The following ZC3H3 variants were observed in gnomAD, a reference collection of about 807,000 sequenced individuals.
ZC3H3 encodes zinc finger CCCH domain-containing protein 3.
Under a neutral mutation model 77.3 loss-of-function variants are expected in ZC3H3, and 36 were observed. That is an observed-to-expected ratio of 0.47 (90% CI 0.36 to 0.61). ZC3H3 has a LOEUF of 0.61. Among genes scored for constraint, ZC3H3 ranks in the 20% least tolerant of loss-of-function variants. The pLI is 0.00. For synonymous variants in ZC3H3, 626 were observed against 555.2 expected (o/e 1.13, Z -1.79); for missense variants, 1,331 against 1,312.2 (o/e 1.01, Z -0.22).
chr8:143,455,006 A>G (rs1287916842), intron 9 of ZC3H3, among the ~76,000 whole-genome samples: 2 of 151,878 alleles, frequency 1.3e-5, no homozygotes, highest in African/African-American at 2.4e-5. Flanking sequence ...AAAAGGTCAA[A>G]GTTCTCAACT....
chr8:143,528,162 C>T (rs1001048256), intron 3 of ZC3H3, among the ~76,000 whole-genome samples: 1 of 152,236 alleles, frequency 6.6e-6, no homozygotes, highest in Non-Finnish European at 1.5e-5. Context: ...TGGCAACCAC[C>T]CTGCGGTGCA....
At chr8:143,498,088 A>AG (rs1211489704) in intron 4 of ZC3H3, among the ~76,000 whole-genome samples, 1 of 152,218 alleles carries the variant, frequency 6.6e-6, no homozygotes, top group Non-Finnish European at 1.5e-5. Context: ...GGAGAACGGC[A>AG]GGAACTGCCT....
intron 9 of ZC3H3, among the ~76,000 whole-genome samples, chr8:143,442,362 G>C (rs1819763959): frequency 6.7e-6 from 1 of 148,302 alleles, no homozygotes; most frequent in Admixed American, 6.7e-5. Flanking sequence ...TGCGGCTGGA[G>C]AGATGCCCGG....
intron 9 of ZC3H3, 62 bp from the exon 10 acceptor site, chr8:143,441,182 G>A (rs998615854): frequency 2.2e-6 from 3 of 1,346,084 alleles, no homozygotes; most frequent in Non-Finnish European, 2.8e-6. Flanking sequence ...GCACGGGGAA[G>A]GCAAGGAGAG....
intron 3 of ZC3H3, among the ~76,000 whole-genome samples, chr8:143,522,698 C>T (rs1027437461): frequency 6.6e-6 from 1 of 152,122 alleles, no homozygotes; most frequent in East Asian, 1.9e-4. Context: ...TTAAGCAGAT[C>T]GCCTGAGCCC....
chr8:143,477,954 G>A (rs913086643), intron 4 of ZC3H3, among the ~76,000 whole-genome samples: 4 of 152,064 alleles, frequency 2.6e-5, no homozygotes, highest in African/African-American at 4.8e-5. Flanking sequence ...TTGCTCCCGG[G>A]AGCCCCCAGC....
chr8:143,467,551 G>A (rs994647653), intron 8 of ZC3H3, among the ~76,000 whole-genome samples: 4 of 152,180 alleles, frequency 2.6e-5, no homozygotes, highest in African/African-American at 7.2e-5. Context: ...GCCCAACACC[G>A]CCTCCCTCAC....
At position 143,468,545 on chromosome 8, in the gene ZC3H3, A is replaced by T. The variant is rs1820476941; in HGVS notation, c.1947-5T>A. 6.2e-7 allele frequency: 1 copy of T among 1,605,938 alleles called. No individual in the cohort carries two copies. Among genetic ancestry groups the T allele is most frequent in the East Asian group, 2.3e-5 (1 of 44,398 alleles). ...AGGCTGCGCTGCACTGCCCGGCTGC[A>T]GACGGGGAGAGAGGTGCGTGAGCCT... is the stretch of plus-strand genomic sequence containing the variant. On this transcript the variant is annotated splice_region_variant and splice_polypyrimidine_tract_variant and intron_variant, in intron 6 of 11. Coordinates refer to ENST00000262577, the MANE Select transcript of ZC3H3 (RefSeq NM_015117.3).
At chr8:143,497,037 T>C (rs1821371232) in intron 4 of ZC3H3, among the ~76,000 whole-genome samples, 1 of 152,226 alleles carries the variant, frequency 6.6e-6, no homozygotes, top group Non-Finnish European at 1.5e-5. Context: ...AAAGCTCGTT[T>C]ATAAAGGGAG....
intron 4 of ZC3H3, among the ~76,000 whole-genome samples, chr8:143,478,397 C>T (rs539789717): frequency 2.6e-5 from 4 of 152,352 alleles, no homozygotes; most frequent in Non-Finnish European, 4.4e-5. Context: ...CTCTGGGGGT[C>T]AGCAGGCACT....
chr8:143,471,722 GC>G (rs1820570477), intron 5 of ZC3H3, among the ~76,000 whole-genome samples: 1 of 152,158 alleles, frequency 6.6e-6, no homozygotes, highest in Non-Finnish European at 1.5e-5. Flanking sequence ...GCCGTCAGGG[GC>G]CCAGAGCCCA....
intron 9 of ZC3H3, among the ~76,000 whole-genome samples, chr8:143,443,621 A>G (rs1819800644): frequency 6.6e-6 from 1 of 152,256 alleles, no homozygotes; most frequent in African/African-American, 2.4e-5. Context: ...CTCAAAGCAG[A>G]GGGAAAGAAA....
chr8:143,521,892 C>T (rs528353014), intron 3 of ZC3H3, among the ~76,000 whole-genome samples: 3 of 152,236 alleles, frequency 2.0e-5, no homozygotes, highest in Non-Finnish European at 1.5e-5. Context: ...GCCACAGAGG[C>T]GGCTCCCATA....
At chr8:143,453,891 G>A (rs1326930479) in intron 9 of ZC3H3, among the ~76,000 whole-genome samples, 1 of 152,024 alleles carries the variant, frequency 6.6e-6, no homozygotes, top group Non-Finnish European at 1.5e-5. Context: ...CTGGCAAAAC[G>A]ACACCACCAG....
At chr8:143,521,010 G>C (rs1165991267) in intron 3 of ZC3H3, among the ~76,000 whole-genome samples, 1 of 152,234 alleles carries the variant, frequency 6.6e-6, no homozygotes, top group Non-Finnish European at 1.5e-5. Flanking sequence ...CACACAGGTA[G>C]ACGGCCCGCC....
intron 4 of ZC3H3, among the ~76,000 whole-genome samples, chr8:143,492,329 C>T (rs553585282): frequency 3.9e-5 from 6 of 152,048 alleles, no homozygotes; most frequent in South Asian, 2.1e-4. Flanking sequence ...GATCCGGTGG[C>T]GGCCACCTCC....
intron 3 of ZC3H3, among the ~76,000 whole-genome samples, chr8:143,532,397 C>T (rs939164825): frequency 6.6e-6 from 1 of 152,246 alleles, no homozygotes; most frequent in Non-Finnish European, 1.5e-5. Flanking sequence ...ACAGGGCAGT[C>T]GTCCCCAGCT....
intron 11 of ZC3H3, 59 bp downstream of exon 11, chr8:143,439,982 C>A: frequency 7.0e-7 from 1 of 1,426,288 alleles, no homozygotes; most frequent in Non-Finnish European, 9.2e-7. Context: ...GGCCGTGCTG[C>A]CTACCTGAAT....
chr8:143,478,648 T>C (rs1820815679), intron 4 of ZC3H3, among the ~76,000 whole-genome samples: 3 of 152,228 alleles, frequency 2.0e-5, no homozygotes, highest in Non-Finnish European at 4.4e-5. Flanking sequence ...TAGCTGGGAT[T>C]ACAGGCATGT....
Sources: allele counts gnomAD v4.1 joint callset (sites outside exome capture counted in the v4.1 genomes callset), GRCh38; gene constraint gnomAD v4.1.1; transcripts MANE v1.5; gene names NCBI Gene and HGNC (gene_info 2026-07-23, HGNC 2026-07-21).